The following SMYD3 variants were observed in gnomAD, a reference collection of about 807,000 sequenced individuals.
SMYD3 encodes SET and MYND domain containing 3, also known as histone-lysine N-methyltransferase SMYD3.
In SMYD3, 36 loss-of-function variants were observed where a neutral mutation model predicts 57.7. That is an observed-to-expected ratio of 0.62 (90% CI 0.48 to 0.82). The LOEUF is 0.82. SMYD3 is among the 40% of genes least tolerant of loss of function. SMYD3 has a pLI of 0.00. For synonymous variants in SMYD3, 211 were observed against 195.0 expected (o/e 1.08, Z -0.68); for missense variants, 515 against 538.8 (o/e 0.96, Z 0.44).
At chr1:245,938,246 C>A (rs1485585216) in intron 5 of SMYD3, among the ~76,000 whole-genome samples, 17 of 152,146 alleles carry the variant, frequency 1.1e-4, no homozygotes, top group South Asian at 2.1e-4. Context: ...GACTCGTGTA[C>A]AAGCTGTGCG....
chr1:245,885,442 C>G (rs4654064), intron 8 of SMYD3, among the ~76,000 whole-genome samples: 1 of 152,018 alleles, frequency 6.6e-6, no homozygotes, highest in Non-Finnish European at 1.5e-5. Context: ...GTCTGTGACT[C>G]GATTTTACAG....
chr1:246,023,950 TAAAG>T (rs2059525637), intron 5 of SMYD3, among the ~76,000 whole-genome samples: 1 of 152,016 alleles, frequency 6.6e-6, no homozygotes. Context: ...GTTAAAAAAA[TAAAG>T]AATAAAGACA....
intron 10 of SMYD3, among the ~76,000 whole-genome samples, chr1:245,797,679 TATAGATAG>T (rs200665516): frequency 6.6e-6 from 1 of 151,652 alleles, no homozygotes; most frequent in African/African-American, 2.4e-5. Flanking sequence ...TATAATTATA[TATAGATAG>T]ATAGATAGAT....
intron 5 of SMYD3, among the ~76,000 whole-genome samples, chr1:246,042,995 T>C (rs561256019): frequency 6.6e-6 from 1 of 152,326 alleles, no homozygotes; most frequent in East Asian, 1.9e-4. Flanking sequence ...CCGAGTGGCC[T>C]AACACAATTT....
chr1:246,046,488 GT>G (rs2059967443), intron 5 of SMYD3, among the ~76,000 whole-genome samples: 1 of 152,014 alleles, frequency 6.6e-6, no homozygotes, highest in African/African-American at 2.4e-5. Context: ...GGCGGTGGGA[GT>G]GGGGAGGGAT....
intron 5 of SMYD3, among the ~76,000 whole-genome samples, chr1:246,290,154 G>A (rs2064659889): frequency 6.6e-6 from 1 of 152,170 alleles, no homozygotes; most frequent in Admixed American, 6.5e-5. Flanking sequence ...AAATTGGACT[G>A]GGGAAGACCT....
chr1:246,209,099 C>T (rs1046285975), intron 5 of SMYD3, among the ~76,000 whole-genome samples: 1 of 152,240 alleles, frequency 6.6e-6, no homozygotes, highest in Admixed American at 6.5e-5. Context: ...CTATTGATTA[C>T]TGCCAACATT....
At chr1:246,205,332 T>C (rs2148375730) in intron 5 of SMYD3, among the ~76,000 whole-genome samples, 1 of 152,302 alleles carries the variant, frequency 6.6e-6, no homozygotes. Context: ...CTCCAAACCC[T>C]CTTTTCTTTC....
intron 5 of SMYD3, among the ~76,000 whole-genome samples, chr1:246,112,598 C>T (rs6426273): frequency 0.16 from 24,779 of 151,988 alleles, 3,611 homozygotes; most frequent in African/African-American, 0.39. Context: ...TCATATGCTA[C>T]AATACAAGGC....
chr1:246,027,634 A>C (rs1270972299), intron 5 of SMYD3, among the ~76,000 whole-genome samples: 2 of 152,170 alleles, frequency 1.3e-5, no homozygotes, highest in African/African-American at 4.8e-5. Flanking sequence ...ACTGCTCAGG[A>C]ATAAGATTGC....
At chr1:246,375,088 G>A (rs996018723) in intron 1 of SMYD3, among the ~76,000 whole-genome samples, 5 of 152,012 alleles carry the variant, frequency 3.3e-5, no homozygotes, top group East Asian at 3.9e-4. Flanking sequence ...GTAAGACTCC[G>A]TAGCAAAAAT....
At position 245,817,280 on chromosome 1, in the gene SMYD3, G is replaced by A. The variant is rs1011114401; in HGVS notation, c.1076+41216C>T. Among the ~76,000 whole-genome samples the A allele has an allele frequency of 4.4e-4, 63 of 142,678 alleles. 1 individual carries two copies. The highest frequency in any genetic ancestry group is 1.5e-3 in the African/African-American group (55 of 36,322). The allele number at this position is 142,678 out of a possible 152,430, so 93.6% of individuals were successfully genotyped here. On this transcript the variant is annotated intron_variant, in intron 10 of 11. Transcript: ENST00000490107. Reference sequence around the variant, plus strand: ...CCTAACTGGGAGGCACCCCCCAGCAGGGGCACACTGACACCTCACATGGCA... The same window carrying A: ...CCTAACTGGGAGGCACCCCCCAGCAAGGGCACACTGACACCTCACATGGCA...
At chr1:246,249,667 A>G (rs551462976) in intron 5 of SMYD3, among the ~76,000 whole-genome samples, 2 of 152,322 alleles carry the variant, frequency 1.3e-5, no homozygotes, top group Non-Finnish European at 2.9e-5. Flanking sequence ...CTAAAGTAAC[A>G]TGAAAAATAT....
chr1:246,489,299 C>A (rs2068234404), intron 1 of SMYD3, among the ~76,000 whole-genome samples: 2 of 152,022 alleles, frequency 1.3e-5, no homozygotes, highest in African/African-American at 4.8e-5. Context: ...TTGCAGTGAG[C>A]CGAGATCATG....
chr1:246,480,474 CT>C (rs2068085773), intron 1 of SMYD3, among the ~76,000 whole-genome samples: 2 of 152,218 alleles, frequency 1.3e-5, no homozygotes, highest in South Asian at 4.2e-4. Flanking sequence ...TAATTATCAA[CT>C]TTTTTTTACT....
intron 5 of SMYD3, among the ~76,000 whole-genome samples, chr1:246,218,824 A>G (rs12088802): frequency 0.03 from 4,591 of 152,296 alleles, 317 homozygotes; most frequent in East Asian, 0.24. Flanking sequence ...TGCACACAAC[A>G]AACATGCTTT....
At chr1:246,009,966 T>C (rs1048283353) in intron 5 of SMYD3, among the ~76,000 whole-genome samples, 2 of 88 alleles carry the variant, frequency 0.023, no homozygotes, top group Non-Finnish European at 0.029. Flanking sequence ...AGGTGAGTGC[T>C]ACCATGCCCA....
intron 10 of SMYD3, among the ~76,000 whole-genome samples, chr1:245,830,694 C>A (rs190680082): frequency 6.6e-6 from 1 of 152,214 alleles, no homozygotes; most frequent in East Asian, 1.9e-4. Flanking sequence ...GAAAGCTTAG[C>A]GATAACAGAT....
intron 11 of SMYD3, among the ~76,000 whole-genome samples, chr1:245,754,963 G>A (rs2045546786): frequency 1.3e-5 from 2 of 152,254 alleles, no homozygotes; most frequent in South Asian, 4.1e-4. Flanking sequence ...GGTTACAGAT[G>A]TGGTGAGCTC....
Sources: allele counts gnomAD v4.1 joint callset (sites outside exome capture counted in the v4.1 genomes callset), GRCh38; gene constraint gnomAD v4.1.1; transcripts MANE v1.5; gene names NCBI Gene and HGNC (gene_info 2026-07-23, HGNC 2026-07-21).